AVEN: variants seen among roughly 807,000 people sequenced by gnomAD.
AVEN encodes the protein cell death regulator Aven.
A neutral mutation model predicts 38.1 loss-of-function variants in AVEN; 41 were observed. That is an observed-to-expected ratio of 1.08 (90% CI 0.84 to 1.40). The LOEUF is 1.40. Among genes scored for constraint, AVEN ranks in the 40% most tolerant of loss-of-function variants. AVEN has a pLI of 0.00. For synonymous variants in AVEN, 206 were observed against 171.8 expected (o/e 1.20, Z -1.56); for missense variants, 605 against 438.8 (o/e 1.38, Z -3.38).
At chr15:33,948,156 G>A (rs1381907187) in intron 2 of AVEN, among the ~76,000 whole-genome samples, 10 of 148,506 alleles carry the variant, frequency 6.7e-5, no homozygotes, top group African/African-American at 2.5e-4. Context: ...GGAGTGCAGT[G>A]GCATGATCTC....
At chr15:33,890,054 A>G (rs1891869548) in intron 2 of AVEN, among the ~76,000 whole-genome samples, 1 of 152,154 alleles carries the variant, frequency 6.6e-6, no homozygotes, top group Non-Finnish European at 1.5e-5. Context: ...TGCCAAACTG[A>G]TCTTCTCTGG....
At chr15:33,902,569 T>C (rs1892535508) in intron 2 of AVEN, among the ~76,000 whole-genome samples, 1 of 152,172 alleles carries the variant, frequency 6.6e-6, no homozygotes, top group Admixed American at 6.5e-5. Flanking sequence ...CTGGAAATAC[T>C]AGCAAAGGCA....
chr15:33,992,547 T>C (rs1170593103), intron 2 of AVEN, among the ~76,000 whole-genome samples: 1 of 152,240 alleles, frequency 6.6e-6, no homozygotes, highest in Non-Finnish European at 1.5e-5. Flanking sequence ...TTTTTTAATT[T>C]ATAGTTCTGT....
At chr15:33,878,313 T>G (rs1189826449) in intron 2 of AVEN, among the ~76,000 whole-genome samples, 1 of 152,158 alleles carries the variant, frequency 6.6e-6, no homozygotes, top group East Asian at 1.9e-4. Context: ...GGATAGCCAC[T>G]GGTGAAAAAC....
intron 1 of AVEN, among the ~76,000 whole-genome samples, chr15:34,016,596 G>A (rs1224065195): frequency 6.6e-6 from 1 of 152,086 alleles, no homozygotes; most frequent in African/African-American, 2.4e-5. Context: ...TTACCAACAG[G>A]AGTTTTTGAT....
chr15:33,983,659 T>C (rs538198752), intron 2 of AVEN, among the ~76,000 whole-genome samples: 15 of 152,258 alleles, frequency 9.9e-5, no homozygotes, highest in Admixed American at 9.2e-4. Context: ...CCTCCTTCCA[T>C]GGATGAAGCT....
intron 2 of AVEN, among the ~76,000 whole-genome samples, chr15:33,946,101 G>A (rs187830421): frequency 7.8e-4 from 119 of 152,174 alleles, no homozygotes; most frequent in African/African-American, 2.8e-3. Flanking sequence ...GTAATGAAGG[G>A]CCCAGCTTCT....
chr15:34,047,061 G>T (rs1041528096), intron 5 of AVEN, among the ~76,000 whole-genome samples: 61 of 139,258 alleles, frequency 4.4e-4, no homozygotes, highest in Non-Finnish European at 7.0e-4. Flanking sequence ...TTTTGTTTTG[G>T]TTTTTTTGTT....
rs1417984187 is a variant in AVEN, at chr15:34,063,392, G to A, written n.1167C>T. 1.2e-6 allele frequency: 2 copies of A among 1,613,992 alleles called. No individual in the cohort carries two copies. Among genetic ancestry groups the A allele is most frequent in the East Asian group, 4.5e-5 (2 of 44,874 alleles). ...ACCGGGAAACAGAGAAGCGAACCAA[G>A]GACCTGGCTGACCTCCAGGGTTCTG... is the stretch of plus-strand genomic sequence containing the variant. On this transcript the variant is annotated non_coding_transcript_exon_variant, in exon 5 of 12. Transcript: ENST00000675287. The surrounding 1 kb of genome is among the most constrained non-coding windows in gnomAD (Gnocchi z 4.1).
chr15:34,002,962 A>T, intron 2 of AVEN, 70 bp downstream of exon 2: 4 of 1,341,780 alleles, frequency 3.0e-6, no homozygotes, highest in Non-Finnish European at 4.1e-6. Context: ...AGTAGAATTT[A>T]AAAACATATA....
chr15:33,862,724 C>T (rs1223071481), downstream of AVEN, among the ~76,000 whole-genome samples: 1 of 152,164 alleles, frequency 6.6e-6, no homozygotes, highest in African/African-American at 2.4e-5. Flanking sequence ...GATTCTCCTG[C>T]CTCAGCCTCC....
chr15:33,965,207 G>A lies in AVEN; in HGVS notation c.445+37825C>T, dbSNP rs756723575. Reference sequence around the variant, plus strand: ...CTAAAAATGGCATGGCATGACTCACGTAAGTCAACAAAGGTTTGATTTCTT... The same window carrying A: ...CTAAAAATGGCATGGCATGACTCACATAAGTCAACAAAGGTTTGATTTCTT... On this transcript the variant is annotated intron_variant, in intron 2 of 5. Transcript: ENST00000306730. Among the ~76,000 whole-genome samples, 11 of 152,150 alleles carry A rather than the reference G, an allele frequency of 7.2e-5. No homozygotes were observed. The South Asian group carries it at 8.3e-4, about 11-fold the overall frequency.
At chr15:33,873,561 C>T (rs1010271416) in intron 3 of AVEN, among the ~76,000 whole-genome samples, 2 of 147,016 alleles carry the variant, frequency 1.4e-5, no homozygotes, top group Admixed American at 6.8e-5. Context: ...ATATAATATA[C>T]GTATTATATA....
At chr15:33,948,527 T>C (rs984228309) in intron 2 of AVEN, among the ~76,000 whole-genome samples, 9 of 152,198 alleles carry the variant, frequency 5.9e-5, no homozygotes, top group African/African-American at 2.2e-4. Context: ...TTAATAAATA[T>C]CTAAATATTT....
chr15:33,941,223 C>CT (rs2153053737), intron 2 of AVEN, among the ~76,000 whole-genome samples: 1 of 152,262 alleles, frequency 6.6e-6, no homozygotes, highest in East Asian at 1.9e-4. Context: ...AAGGAACTCA[C>CT]TTTGGAAGGT....
chr15:33,870,716 C>T (rs553508255), intron 4 of AVEN, among the ~76,000 whole-genome samples: 6 of 152,314 alleles, frequency 3.9e-5, no homozygotes, highest in South Asian at 4.1e-4. Flanking sequence ...AATTCCACTA[C>T]ATTTGATCCT....
rs1270763778 is a variant in AVEN, at chr15:34,063,701, G to C, written n.1127-269C>G. Reference sequence around the variant, plus strand: ...TCCTCCAAGTGGTCTACAAGAGTCAGGGTAAGGAAAGCCCAGGGGAAGAAT... The same window carrying C: ...TCCTCCAAGTGGTCTACAAGAGTCACGGTAAGGAAAGCCCAGGGGAAGAAT... On this transcript the variant is annotated intron_variant and non_coding_transcript_variant, in intron 4 of 11. Coordinates refer to the AVEN transcript ENST00000675287. The surrounding 1 kb of genome is among the most constrained non-coding windows in gnomAD (Gnocchi z 4.1). 6.2e-7 allele frequency: 1 copy of C among 1,614,212 alleles called. No individual in the cohort carries two copies.
intron 2 of AVEN, among the ~76,000 whole-genome samples, chr15:33,977,876 G>T (rs548056137): frequency 2.0e-5 from 3 of 151,832 alleles, no homozygotes; most frequent in Non-Finnish European, 4.4e-5. Flanking sequence ...GGTCAAAGCC[G>T]CAGCAAGCTG....
At chr15:33,929,552 T>C (rs950237544) in intron 2 of AVEN, among the ~76,000 whole-genome samples, 38 of 152,306 alleles carry the variant, frequency 2.5e-4, no homozygotes, top group Middle Eastern at 3.4e-3. Context: ...TTACTAATGC[T>C]TCAAGGATTC....
Sources: allele counts gnomAD v4.1 joint callset (sites outside exome capture counted in the v4.1 genomes callset), GRCh38; gene constraint gnomAD v4.1.1; non-coding constraint Gnocchi (gnomAD v3.1); transcripts MANE v1.5; gene names NCBI Gene and HGNC (gene_info 2026-07-23, HGNC 2026-07-21).